LAMA2: variants seen among roughly 807,000 people sequenced by gnomAD.
LAMA2 encodes laminin subunit alpha-2.
A neutral mutation model predicts 364.8 loss-of-function variants in LAMA2; 269 were observed. The observed-to-expected ratio is 0.74, with a 90% CI of 0.67 to 0.82. The LOEUF is 0.82. Ranked by LOEUF, LAMA2 falls within the 40% of genes least tolerant of loss-of-function variation. LAMA2 has a pLI of 0.00. For synonymous variants in LAMA2, 1,379 were observed against 1,370.6 expected (o/e 1.01, Z -0.14); for missense variants, 3,807 against 3,873.2 (o/e 0.98, Z 0.45).
At chr6:129,158,699 A>T in intron 8 of LAMA2, 1 of 1,614,056 alleles carries the variant, frequency 6.2e-7, no homozygotes. Context: ...GACCTATGAC[A>T]ACAGGGGGCA....
At chr6:129,118,247 AAT>A (rs1562253239) in intron 4 of LAMA2, among the ~76,000 whole-genome samples, 1 of 152,228 alleles carries the variant, frequency 6.6e-6, no homozygotes, top group Non-Finnish European at 1.5e-5. Context: ...GATTGTGTCT[AAT>A]AAAAACTGCA....
chr6:129,137,925 A>C (rs1343137777), intron 4 of LAMA2, among the ~76,000 whole-genome samples: 1 of 152,058 alleles, frequency 6.6e-6, no homozygotes, highest in East Asian at 1.9e-4. Flanking sequence ...GAGTCAAGGG[A>C]GTTTGGATAA....
intron 12 of LAMA2, among the ~76,000 whole-genome samples, chr6:129,230,495 CAT>C (rs1445857250): frequency 5.3e-5 from 8 of 151,944 alleles, no homozygotes; most frequent in African/African-American, 1.9e-4. Flanking sequence ...GGTGCTGGGA[CAT>C]GTGGAAGTCT....
intron 1 of LAMA2, among the ~76,000 whole-genome samples, chr6:128,991,633 A>G (rs779467951): frequency 6.6e-6 from 1 of 152,222 alleles, no homozygotes; most frequent in Non-Finnish European, 1.5e-5. Flanking sequence ...ATTCTGTAAT[A>G]GTGGCTAACT....
At chr6:129,511,770 G>C (rs74630365) in intron 62 of LAMA2, among the ~76,000 whole-genome samples, 1 of 151,340 alleles carries the variant, frequency 6.6e-6, no homozygotes, top group African/African-American at 2.4e-5. Flanking sequence ...ATAGAGGAAA[G>C]AATTAACTGG....
At chr6:129,442,871 G>T in intron 43 of LAMA2, 192 bp from the exon 44 acceptor site, 1 of 563,980 alleles carries the variant, frequency 1.8e-6, no homozygotes, top group Non-Finnish European at 3.1e-6. Context: ...TACAAATAGT[G>T]GCCACTAAAT....
intron 4 of LAMA2, among the ~76,000 whole-genome samples, chr6:129,123,313 A>C (rs1776915105): frequency 6.6e-6 from 1 of 151,798 alleles, no homozygotes; most frequent in Non-Finnish European, 1.5e-5. Context: ...CTCAAAAAAA[A>C]AAAAAAAGGA....
intron 1 of LAMA2, among the ~76,000 whole-genome samples, chr6:128,966,561 G>A (rs1781855965): frequency 6.6e-6 from 1 of 151,674 alleles, no homozygotes; most frequent in Non-Finnish European, 1.5e-5. Context: ...AGGCCTCAGA[G>A]AATGTTCCAG....
intron 1 of LAMA2, among the ~76,000 whole-genome samples, chr6:128,911,591 CT>C (rs1777960841): frequency 2.0e-5 from 3 of 152,210 alleles, no homozygotes; most frequent in South Asian, 4.1e-4. Flanking sequence ...CAGAAATCAC[CT>C]GTCTTCTGCG....
chr6:129,487,274 C>A (rs1784638061), intron 56 of LAMA2, among the ~76,000 whole-genome samples: 1 of 152,206 alleles, frequency 6.6e-6, no homozygotes, highest in African/African-American at 2.4e-5. Flanking sequence ...TGGCTTTACT[C>A]ATGCACAAAC....
intron 14 of LAMA2, among the ~76,000 whole-genome samples, chr6:129,254,221 C>A (rs182358323): frequency 1.3e-5 from 2 of 152,180 alleles, no homozygotes; most frequent in African/African-American, 4.8e-5. Context: ...CATGGCAGTT[C>A]TTTCAGCAAA....
rs199726173 is a variant in LAMA2 at position 129,256,763 on chromosome 6, CATATATATAT to C, written c.2097-3920_2097-3911del. 2.2e-3 allele frequency among the ~76,000 whole-genome samples: 197 copies of C among 87,962 alleles called. 4 individuals are homozygous for C. In the South Asian group the frequency reaches 0.031, roughly 14 times the overall value. 57.7% of individuals were successfully genotyped at this position (87,962 alleles called of 152,430 possible). ...TATATATAAAAAACAAATTATATAG[CATATATATAT>C]ATATATATATATATATATATATATA... On this transcript the variant is annotated intron_variant, in intron 14 of 64. Transcript: ENST00000421865.
chr6:128,990,080 T>C (rs1674156149), intron 1 of LAMA2, among the ~76,000 whole-genome samples: 1 of 152,198 alleles, frequency 6.6e-6, no homozygotes, highest in African/African-American at 2.4e-5. Flanking sequence ...TCTTATTCTT[T>C]ATTATGACCA....
intron 1 of LAMA2, among the ~76,000 whole-genome samples, chr6:129,034,969 T>C (rs73596741): frequency 0.025 from 3,747 of 152,224 alleles, 140 homozygotes; most frequent in African/African-American, 0.086. Context: ...CTTTTTGATA[T>C]AGTTAGTTCT....
At chr6:129,090,338 A>T (rs1323958362) in intron 3 of LAMA2, among the ~76,000 whole-genome samples, 1 of 152,170 alleles carries the variant, frequency 6.6e-6, no homozygotes, top group Admixed American at 6.5e-5. Flanking sequence ...TTCATTATGT[A>T]TCTCTGAAGG....
intron 1 of LAMA2, among the ~76,000 whole-genome samples, chr6:128,906,751 G>C (rs1204973776): frequency 1.4e-4 from 21 of 151,536 alleles, no homozygotes; most frequent in African/African-American, 4.8e-4. Flanking sequence ...TTTTCTTCTA[G>C]GGTTTTTATG....
intron 9 of LAMA2, among the ~76,000 whole-genome samples, chr6:129,174,484 A>AGTGTGTGTGT (rs58286852): frequency 6.8e-6 from 1 of 147,004 alleles, no homozygotes; most frequent in Non-Finnish European, 1.5e-5. Context: ...ATGTTTCGTA[A>AGTGTGTGTGT]GTGTGTGTGT....
In LAMA2 at chr6:129,391,381, G is replaced by A. The variant is rs149740548; in HGVS notation, c.5072-110G>A. The A allele has an allele frequency of 3.9e-3, 3,651 of 929,232 alleles. 13 individuals are homozygous for A. Among genetic ancestry groups the A allele is most frequent in the Middle Eastern group, 6.6e-3 (30 of 4,538 alleles). The allele number at this position is 929,232 out of a possible 1,614,324, so 57.6% of individuals were successfully genotyped here. A position where few individuals can be genotyped will look rare whatever the true frequency, so the allele number is the denominator to read the frequency against. ...TGTGGTTCCCAGCAGGAACACTCAC[G>A]GCAAAATACTCTTCATTTGGAGATG... is the stretch of plus-strand genomic sequence containing the variant. On this transcript the variant is annotated intron_variant, in intron 35 of 64. Transcript: ENST00000421865.
intron 34 of LAMA2, among the ~76,000 whole-genome samples, chr6:129,382,570 C>A (rs1288347639): frequency 5.3e-5 from 8 of 152,212 alleles, no homozygotes; most frequent in Non-Finnish European, 1.2e-4. Context: ...TCTCCCTTAA[C>A]ATTTTATTGG....
Sources: gnomAD v4.1 joint callset for allele counts (sites outside exome capture counted in the v4.1 genomes callset) on GRCh38, gnomAD v4.1.1 for gene constraint, MANE v1.5 for transcripts, NCBI Gene and HGNC (gene_info 2026-07-23, HGNC 2026-07-21) for gene names.